The following INO80 variants were observed in gnomAD, a reference collection of about 807,000 sequenced individuals.
The protein encoded by INO80 is chromatin-remodeling ATPase INO80.
In INO80, 20 loss-of-function variants were observed where a neutral mutation model predicts 203.4. The ratio of observed to expected loss-of-function variants is 0.10; its 90% CI spans 0.07 to 0.14. INO80 has a LOEUF of 0.14. Among genes scored for constraint, INO80 ranks in the 10% least tolerant of loss-of-function variants. INO80 has a pLI of 1.00. For missense variants in INO80, 1,419 were observed against 1,914.4 expected (o/e 0.74, Z 4.83); for synonymous variants, 726 against 685.2 (o/e 1.06, Z -0.93).
chr15:41,076,902 ATTTTG>A (rs1309080263), intron 9 of INO80, among the ~76,000 whole-genome samples: 1 of 151,962 alleles, frequency 6.6e-6, no homozygotes, highest in Non-Finnish European at 1.5e-5. Context: ...AAGAGTCATT[ATTTTG>A]TTTTCTTTTT....
rs973833176 is a variant in INO80, at chr15:41,016,232, G to A, written c.3275-17C>T. ...TCTCCTTGCCTGGGGAGAAGAAAAGGGGGTGAGGGGGAACTGTATTTAATT... is the reference window on the plus strand; with the variant it reads ...TCTCCTTGCCTGGGGAGAAGAAAAGAGGGTGAGGGGGAACTGTATTTAATT... On this transcript the variant is annotated splice_polypyrimidine_tract_variant and intron_variant, in intron 26 of 35. Coordinates refer to ENST00000648947, the MANE Select transcript of INO80 (RefSeq NM_017553.3). The A allele has an allele frequency of 1.2e-6, 2 of 1,611,546 alleles. No homozygotes were observed. Among genetic ancestry groups the A allele is most frequent in the East Asian group, 2.2e-5 (1 of 44,842 alleles).
chr15:40,996,057 T>C (rs1446756929), intron 29 of INO80, among the ~76,000 whole-genome samples: 1 of 150,762 alleles, frequency 6.6e-6, no homozygotes, highest in African/African-American at 2.4e-5. Flanking sequence ...GAGAGAGAGA[T>C]TCCCCCTGCT....
Position 41,090,076 on chromosome 15 carries a change from A to G in INO80, c.537+1951T>C, listed in dbSNP as rs1371009996. ...ATAGCCAAAAAGTAGAAATATGCTA[A>G]TCATAGTTCATGAACTGGACAATGC... On this transcript the variant is annotated intron_variant, in intron 5 of 35. Coordinates refer to ENST00000648947, the MANE Select transcript of INO80 (RefSeq NM_017553.3). Among the ~76,000 whole-genome samples, 3 of 152,262 alleles carry G rather than the reference A, an allele frequency of 2.0e-5. No individual in the cohort carries two copies. In the East Asian group the frequency reaches 5.8e-4, roughly 29 times the overall value.
chr15:40,985,080 T>C (rs1893970097), intron 32 of INO80, among the ~76,000 whole-genome samples: 1 of 152,176 alleles, frequency 6.6e-6, no homozygotes, highest in South Asian at 2.1e-4. Flanking sequence ...CTTCCACGCT[T>C]TGTAACAGCC....
intron 33 of INO80, 78 bp downstream of exon 33, chr15:40,984,119 C>A: frequency 1.3e-6 from 2 of 1,492,260 alleles, no homozygotes; most frequent in Non-Finnish European, 9.2e-7. Context: ...GAAGCAAAGA[C>A]TGCCCAGCAG....
intron 27 of INO80, among the ~76,000 whole-genome samples, chr15:41,009,990 G>A (rs890645162): frequency 3.9e-5 from 6 of 152,064 alleles, no homozygotes; most frequent in Admixed American, 2.6e-4. Context: ...TAAAAGCATC[G>A]CTATCCTGAC....
intron 24 of INO80, among the ~76,000 whole-genome samples, chr15:41,043,779 A>G (rs1021290363): frequency 6.6e-6 from 1 of 152,150 alleles, no homozygotes; most frequent in African/African-American, 2.4e-5. Context: ...ATAAATTCCA[A>G]ACCCTCAGCA....
chr15:41,073,388 C>T, intron 11 of INO80, 40 bp downstream of exon 11: 1 of 1,542,480 alleles, frequency 6.5e-7, no homozygotes, highest in Non-Finnish European at 9.0e-7. Flanking sequence ...GGGGTATTTC[C>T]AGGGCCAATT....
At chr15:41,019,032 C>T (rs1450418308) in intron 26 of INO80, among the ~76,000 whole-genome samples, 1 of 152,164 alleles carries the variant, frequency 6.6e-6, no homozygotes, top group African/African-American at 2.4e-5. Context: ...TTTTACCATC[C>T]ACGGTGTAAG....
chr15:41,044,537 T>C (rs1045993362), intron 24 of INO80, among the ~76,000 whole-genome samples: 2 of 152,126 alleles, frequency 1.3e-5, no homozygotes. Context: ...CCTTTAATTG[T>C]TGGTTTGTCT....
intron 1 of INO80, among the ~76,000 whole-genome samples, chr15:41,110,049 C>G (rs1170110208): frequency 6.7e-6 from 1 of 150,004 alleles, no homozygotes; most frequent in South Asian, 2.2e-4. Flanking sequence ...GAGCTGAGAT[C>G]GTGCTACTGC....
intron 25 of INO80, among the ~76,000 whole-genome samples, chr15:41,021,388 C>T (rs2044292295): frequency 6.6e-6 from 1 of 152,084 alleles, no homozygotes; most frequent in Non-Finnish European, 1.5e-5. Context: ...ATGAGAATAC[C>T]AGGTCAGCAA....
intron 19 of INO80, among the ~76,000 whole-genome samples, chr15:41,052,152 A>G (rs551808441): frequency 6.6e-6 from 1 of 151,934 alleles, no homozygotes; most frequent in Non-Finnish European, 1.5e-5. Flanking sequence ...AAAAAAAAAA[A>G]TTTTAAACAA....
chr15:41,074,430 T>G lies in INO80; in HGVS notation c.1267A>C (p.Thr423Pro). 6.2e-7 allele frequency: 1 copy of G among 1,614,088 alleles called. No homozygotes were observed. Among genetic ancestry groups the G allele is most frequent in the Non-Finnish European group, 8.5e-7 (1 of 1,179,958 alleles). ...CCACCTATATCGATTTGTCTCTGGGTAGAACTGTCTTCCAGTTTCCTTAGG... is the reference window on the plus strand; with the variant it reads ...CCACCTATATCGATTTGTCTCTGGGGAGAACTGTCTTCCAGTTTCCTTAGG... ...EILRKLEDSS[T>P]QRQIDIGGGV... Residue 423 changes from threonine to proline, a missense_variant, in exon 10 of 36, where the codon ACC becomes CCC. Around this residue, in one of 9 missense-constraint regions of INO80, gnomAD observed 116 missense variants for 119.5 expected, o/e 0.97. Transcript: ENST00000648947.
At chr15:41,058,280 T>C (rs1270096850) in intron 16 of INO80, among the ~76,000 whole-genome samples, 1 of 152,136 alleles carries the variant, frequency 6.6e-6, no homozygotes, top group African/African-American at 2.4e-5. Context: ...GCATTAACAT[T>C]TGTGTTCCAT....
In INO80 at chr15:40,978,909, TTTAAGA is replaced by T. The variant is rs1441217617; in HGVS notation, c.*1308_*1313del. On this transcript the variant is annotated 3_prime_UTR_variant, in exon 36 of 36. Transcript: ENST00000648947. ...CATAAAATTATCTCACTCCATTTTA[TTTAAGA>T]TTTTTTTATCCAGTTAGTAAAAGGA... The T allele has an allele frequency of 6.6e-6, 1 of 152,642 alleles. No individual in the cohort carries two copies. The highest frequency in any genetic ancestry group is 1.5e-5 in the Non-Finnish European group (1 of 68,044). 9.5% of individuals were successfully genotyped at this position (152,642 alleles called of 1,614,324 possible). A position where few individuals can be genotyped will look rare whatever the true frequency, so the allele number is the denominator to read the frequency against.
At chr15:40,988,515 G>A (rs1210338933) in intron 29 of INO80, among the ~76,000 whole-genome samples, 1 of 152,202 alleles carries the variant, frequency 6.6e-6, no homozygotes, top group Non-Finnish European at 1.5e-5. Flanking sequence ...GAGCCTGGGA[G>A]GCAGAGGTTG....
At chr15:41,050,163 G>GCATCAA in intron 19 of INO80, 61 bp from the exon 20 acceptor site, 2 of 1,210,892 alleles carry the variant, frequency 1.7e-6, no homozygotes, top group Non-Finnish European at 2.4e-6. Flanking sequence ...TTCAGCATCA[G>GCATCAA]CTTAAAGTTG....
intron 15 of INO80, among the ~76,000 whole-genome samples, chr15:41,059,012 C>T (rs1486406253): frequency 2.6e-5 from 4 of 152,068 alleles, no homozygotes; most frequent in South Asian, 2.1e-4. Flanking sequence ...AGTCCAGCAG[C>T]GTGAACATGG....
Sources: gnomAD v4.1 joint callset for allele counts (sites outside exome capture counted in the v4.1 genomes callset) on GRCh38, gnomAD v4.1.1 for gene constraint, gnomAD v4.1.1 regional missense constraint, MANE v1.5 for transcripts, NCBI Gene and HGNC (gene_info 2026-07-23, HGNC 2026-07-21) for gene names.